The following PTPRCAP variants were observed in gnomAD, a reference collection of about 807,000 sequenced individuals.
PTPRCAP encodes the protein protein tyrosine phosphatase receptor type C-associated protein.
For missense variants in PTPRCAP, 294 were observed against 285.5 expected (o/e 1.03, Z -0.22); for synonymous variants, 136 against 135.8 (o/e 1.00, Z -0.01).
chr11:67,435,963 C>T lies in PTPRCAP; in HGVS notation c.391G>A (p.Glu131Lys), dbSNP rs199676581. 34 of 1,613,640 alleles carry T rather than the reference C, an allele frequency of 2.1e-5. No homozygotes were observed. The East Asian group carries it at 4.0e-4, about 19-fold the overall frequency. The change falls in exon 2 of 2, where the codon GAG becomes AAG. Residue 131 changes from glutamate (E) to lysine (K), a missense_variant. Glu to Lys is a moderately conservative substitution (Grantham distance 56). Coordinates refer to ENST00000326294, the MANE Select transcript of PTPRCAP (RefSeq NM_005608.3). ...GGLQADPGEG[E>K]QQCGEASSPE... is the part of the protein sequence containing the mutation. ...CTGGACGCCTCTCCACATTGCTGCT[C>T]GCCTTCCCCAGGGTCAGCCTGCAGG...
At position 67,435,711 on chromosome 11, in the gene PTPRCAP, G is replaced by A; in HGVS notation, c.*22C>T. ...ACGGGGAGTGAGCGGCTGTGACAGGGATGGGACACCAAGACCGGCCTCTAC... is the reference window on the plus strand; with the variant it reads ...ACGGGGAGTGAGCGGCTGTGACAGGAATGGGACACCAAGACCGGCCTCTAC... On this transcript the variant is annotated 3_prime_UTR_variant, in exon 2 of 2. Coordinates refer to ENST00000326294, the MANE Select transcript of PTPRCAP (RefSeq NM_005608.3). 1 of 1,502,902 alleles carries A rather than the reference G, an allele frequency of 6.7e-7. No individual in the cohort carries two copies. The highest frequency in any genetic ancestry group is 2.2e-5 in the Admixed American group (1 of 45,250). The allele number at this position is 1,502,902 out of a possible 1,614,324, so 93.1% of individuals were successfully genotyped here. A position where few individuals can be genotyped will look rare whatever the true frequency, so the allele number is the denominator to read the frequency against.
Position 67,436,019 on chromosome 11 carries a change from T to A in PTPRCAP, c.335A>T (p.Asp112Val), listed in dbSNP as rs564095683. 5.7e-5 allele frequency: 92 copies of A among 1,613,724 alleles called. 2 individuals carry two copies. The South Asian group carries it at 1.0e-3, about 18-fold the overall frequency. The change falls in exon 2 of 2, where the codon GAC becomes GTC. Residue 112 changes from aspartate to valine, a missense_variant. Physicochemically the swap from Asp to Val is radical, Grantham distance 152. Coordinates refer to ENST00000326294, the MANE Select transcript of PTPRCAP (RefSeq NM_005608.3). ...NDLERQEDEQDTDYDHVADGG... is the reference protein window; with the variant it reads ...NDLERQEDEQVTDYDHVADGG... Reference sequence around the variant, plus strand: ...ATCCGCGACGTGGTCATAGTCTGTGTCCTGCTCATCCTCCTGTCGCTCAAG... The same window carrying A: ...ATCCGCGACGTGGTCATAGTCTGTGACCTGCTCATCCTCCTGTCGCTCAAG...
At chr11:67,437,594 AC>A in intron 1 of PTPRCAP, 22 bp downstream of exon 1, 2 of 1,349,138 alleles carry the variant, frequency 1.5e-6, no homozygotes, top group Non-Finnish European at 1.9e-6. Flanking sequence ...CATCCCAAGA[AC>A]CCGGGGGGCT....
In PTPRCAP at chr11:67,437,622, G is replaced by T; in HGVS notation, c.-3C>A. The T allele has an allele frequency of 7.3e-7, 1 of 1,365,744 alleles. No homozygotes were observed. Among genetic ancestry groups the T allele is most frequent in the Non-Finnish European group, 9.5e-7 (1 of 1,051,394 alleles). The allele number at this position is 1,365,744 out of a possible 1,614,324, so 84.6% of individuals were successfully genotyped here. A position where few individuals can be genotyped will look rare whatever the true frequency, so the allele number is the denominator to read the frequency against. ...CGGGGGGCTCCGAGGCTTACCATTG[G>T]TCCGCAGGCCCCTCCGTGCCGGGCA... On this transcript the variant is annotated 5_prime_UTR_variant, in exon 1 of 2. Coordinates refer to ENST00000326294, the MANE Select transcript of PTPRCAP (RefSeq NM_005608.3).
In PTPRCAP at chr11:67,436,331, C is replaced by T. The variant is rs543254828; in HGVS notation, c.23G>A (p.Gly8Glu). ...TGGCAGGGCCAGCAGCATCCCGAGC[C>T]CTAAGGTGCAGGGCAGAGCCTGTGG... is the stretch of plus-strand genomic sequence containing the variant. MALPCTL[G>E]LGMLLALPGA... The change falls in exon 2 of 2, where the codon GGG (glycine) becomes GAG (glutamate). Residue 8 changes from glycine (G) to glutamate (E), a missense_variant. Transcript: ENST00000326294. 1.3e-6 allele frequency: 2 copies of T among 1,502,270 alleles called. No homozygotes were observed. The highest frequency in any genetic ancestry group is 1.8e-6 in the Non-Finnish European group (2 of 1,127,282). 93.1% of individuals were successfully genotyped at this position (1,502,270 alleles called of 1,614,324 possible). A position where few individuals can be genotyped will look rare whatever the true frequency, so the allele number is the denominator to read the frequency against.
intron 1 of PTPRCAP, 154 bp downstream of exon 1, chr11:67,437,463 T>A (rs1864310574): frequency 1.1e-6 from 1 of 915,072 alleles, no homozygotes; most frequent in Admixed American, 3.4e-5. Flanking sequence ...CCAGCTCAGG[T>A]GAGAGAAAGG....
At chr11:67,436,716 C>G in intron 1 of PTPRCAP, 1 of 239,562 alleles carries the variant, frequency 4.2e-6, no homozygotes, top group Non-Finnish European at 8.1e-6. Flanking sequence ...CTGAACCTGA[C>G]CTTAACCTCT....
chr11:67,437,441 G>T, intron 1 of PTPRCAP, 176 bp downstream of exon 1: 1 of 691,796 alleles, frequency 1.4e-6, no homozygotes, highest in Non-Finnish European at 2.1e-6. Flanking sequence ...CAGGCCTGGA[G>T]TCCCAGGGAG....
At chr11:67,436,522 G>A (rs1295457256) in intron 1 of PTPRCAP, 172 bp from the exon 2 acceptor site, 5 of 727,060 alleles carry the variant, frequency 6.9e-6, no homozygotes, top group Non-Finnish European at 8.2e-6. Context: ...GGCCCTGTGA[G>A]ATCAGCCCCC....
chr11:67,437,468 G>A lies in PTPRCAP; in HGVS notation c.3+149C>T. ...CCCAGGGAGCCCAGCTCAGGTGAGA[G>A]AAAGGTTCAGCCTCTGCCATACTCC... is the stretch of plus-strand genomic sequence containing the variant. On this transcript the variant is annotated intron_variant, in intron 1 of 1. Coordinates refer to ENST00000326294, the MANE Select transcript of PTPRCAP (RefSeq NM_005608.3). The A allele has an allele frequency of 3.1e-6, 3 of 968,996 alleles. No homozygotes were observed. In the East Asian group the frequency reaches 9.1e-5, roughly 30 times the overall value. The allele number at this position is 968,996 out of a possible 1,614,324, so 60.0% of individuals were successfully genotyped here.
chr11:67,437,307 C>A, intron 1 of PTPRCAP: 2 of 331,842 alleles, frequency 6.0e-6, no homozygotes, highest in Non-Finnish European at 1.1e-5. Context: ...CAGCCAGCCT[C>A]CCCCACCACC....
chr11:67,437,546 C>A lies in PTPRCAP; in HGVS notation c.3+71G>T. The A allele has an allele frequency of 2.3e-6, 3 of 1,319,812 alleles. No individual in the cohort carries two copies. In the South Asian group the frequency reaches 8.2e-5, roughly 36 times the overall value. The allele number at this position is 1,319,812 out of a possible 1,614,324, so 81.8% of individuals were successfully genotyped here. A position where few individuals can be genotyped will look rare whatever the true frequency, so the allele number is the denominator to read the frequency against. On this transcript the variant is annotated intron_variant, in intron 1 of 1. Coordinates refer to ENST00000326294, the MANE Select transcript of PTPRCAP (RefSeq NM_005608.3). ...CAATGTGGGGCCCTCCTTAGCTCCA[C>A]AGGCCCAGACATTCTAGCCCCGACC...
rs1449379579 is a variant in PTPRCAP, at chr11:67,435,793, T to C, written c.561A>G (p.Ala187=). The C allele has an allele frequency of 6.3e-7, 1 of 1,590,834 alleles. No homozygotes were observed. The highest frequency in any genetic ancestry group is 1.7e-5 in the Admixed American group (1 of 58,948). Residue 187 remains alanine, a synonymous_variant, in exon 2 of 2, where the codon GCA becomes GCG. Coordinates refer to ENST00000326294, the MANE Select transcript of PTPRCAP (RefSeq NM_005608.3). ...CTGCCCTGGCGCTGTCATCCCAGGC[T>C]GCGCTGCCAGCAAAGGCGTGCAGGT... The part of the protein sequence containing the change: ...LSDLHAFAGS[A]AWDDSARAAG...
Position 67,435,845 on chromosome 11 carries a change from C to A in PTPRCAP, c.509G>T (p.Gly170Val). ...VLGSPGPASA[G>V]GSAEALLSDL... ...ACTCAGCAGGGCCTCAGCACTGCCC[C>A]CTGCGCTCGCTGGTCCTGGGGAGCC... The change falls in exon 2 of 2, where the codon GGG (glycine) becomes GTG (valine). Residue 170 changes from glycine (G) to valine (V), a missense_variant. Physicochemically the swap from Gly to Val is moderately radical, Grantham distance 109. Coordinates refer to ENST00000326294, the MANE Select transcript of PTPRCAP (RefSeq NM_005608.3). 1 of 1,609,340 alleles carries A rather than the reference C, an allele frequency of 6.2e-7. No homozygotes were observed. The highest frequency in any genetic ancestry group is 8.5e-7 in the Non-Finnish European group (1 of 1,179,236).
intron 1 of PTPRCAP, 22 bp downstream of exon 1, chr11:67,437,595 C>A: frequency 7.4e-7 from 1 of 1,351,396 alleles, no homozygotes; most frequent in Non-Finnish European, 9.6e-7. Context: ...ATCCCAAGAA[C>A]CCGGGGGGCT....
chr11:67,436,368 G>A lies in PTPRCAP; in HGVS notation c.4-18C>T. On this transcript the variant is annotated intron_variant, in intron 1 of 1. Transcript: ENST00000326294. Reference sequence around the variant, plus strand: ...GGCAGAGCCTGTGGGAGACAGGCAGGGGCTCAGAGGGCTCAGCACCTGGGG... The same window carrying A: ...GGCAGAGCCTGTGGGAGACAGGCAGAGGCTCAGAGGGCTCAGCACCTGGGG... 7.0e-7 allele frequency: 1 copy of A among 1,437,470 alleles called. No homozygotes were observed. Among genetic ancestry groups the A allele is most frequent in the Non-Finnish European group, 9.1e-7 (1 of 1,097,956 alleles). 89.0% of individuals were successfully genotyped at this position (1,437,470 alleles called of 1,614,324 possible).
At chr11:67,437,519 G>T in intron 1 of PTPRCAP, 98 bp downstream of exon 1, 1 of 1,274,772 alleles carries the variant, frequency 7.8e-7, no homozygotes, top group Non-Finnish European at 1.0e-6. Context: ...CTTCCCTGGG[G>T]CCAATGTGGG....
intron 1 of PTPRCAP, 56 bp from the exon 2 acceptor site, chr11:67,436,406 T>A: frequency 2.1e-6 from 3 of 1,419,864 alleles, no homozygotes; most frequent in Middle Eastern, 2.5e-4. Flanking sequence ...GGGCCTGGTG[T>A]GGGGCAGGCT....
chr11:67,436,773 CAG>C lies in PTPRCAP; in HGVS notation c.4-425_4-424del, dbSNP rs1381631778. 8 of 181,360 alleles carry C rather than the reference CAG, an allele frequency of 4.4e-5. No homozygotes were observed. In the East Asian group the frequency reaches 1.2e-3, roughly 26 times the overall value. The allele number at this position is 181,360 out of a possible 1,614,324, so 11.2% of individuals were successfully genotyped here. On this transcript the variant is annotated intron_variant, in intron 1 of 1. Transcript: ENST00000326294. ...GCCCACCCCAGCACCCCCCAGCACT[CAG>C]TGCCTTTTTCCTTCCATGTCACCTA...
Sources: gnomAD v4.1 joint callset for allele counts on GRCh38, gnomAD v4.1.1 for gene constraint, MANE v1.5 for transcripts, NCBI Gene and HGNC (gene_info 2026-07-23, HGNC 2026-07-21) for gene names.